ARMC9: variants seen among roughly 807,000 people sequenced by gnomAD.
ARMC9 encodes armadillo repeat containing 9.
ARMC9 carries 94 observed loss-of-function variants against 107.0 expected under a neutral mutation model. The observed-to-expected ratio is 0.88, with a 90% CI of 0.74 to 1.04. The LOEUF (loss-of-function observed/expected upper bound fraction) is 1.04, where lower values mean the gene tolerates loss of function less well. Ranked by LOEUF, ARMC9 falls within the 50% of genes least tolerant of loss-of-function variation. The probability of loss-of-function intolerance (pLI) is 0.00; values close to 1 mark genes in which losing one functional copy is unlikely to be tolerated. For missense variants in ARMC9, 942 were observed against 1,030.1 expected, an observed-to-expected ratio of 0.91 and a Z score of 1.17; for synonymous variants, 380 against 396.9, an observed-to-expected ratio of 0.96 and a Z score of 0.51.
chr2:231,314,007 A>C (rs1374202127), intron 19 of ARMC9, among the ~76,000 whole-genome samples: 4 of 136,416 alleles, frequency 2.9e-5, no homozygotes, highest in Non-Finnish European at 3.1e-5. Flanking sequence ...TGATCTTCCC[A>C]CCTTGACCTC....
At chr2:231,343,218 C>T (rs2044624662) in intron 20 of ARMC9, among the ~76,000 whole-genome samples, 1 of 151,712 alleles carries the variant, frequency 6.6e-6, no homozygotes, top group African/African-American at 2.4e-5. Context: ...CGGACCAGGG[C>T]AGGTTTTGAC....
chr2:231,258,670 A>C (rs1174556547), intron 10 of ARMC9, among the ~76,000 whole-genome samples: 2 of 152,166 alleles, frequency 1.3e-5, no homozygotes, highest in Non-Finnish European at 2.9e-5. Context: ...TGATGCCCTC[A>C]AGGTGATTTC....
At chr2:231,262,579 A>G (rs1382928603) in intron 12 of ARMC9, among the ~76,000 whole-genome samples, 181 bp downstream of exon 12, 1 of 152,150 alleles carries the variant, frequency 6.6e-6, no homozygotes, top group Non-Finnish European at 1.5e-5. Context: ...AGTTCTAAAC[A>G]AGTTAGAACT....
chr2:231,237,747 C>CTATATGTA (rs796825444), intron 8 of ARMC9, among the ~76,000 whole-genome samples: 1,317 of 49,260 alleles, frequency 0.027, 92 homozygotes, highest in African/African-American at 0.082. Flanking sequence ...TTGTTCTTGG[C>CTATATGTA]TATATGTATA....
intron 12 of ARMC9, among the ~76,000 whole-genome samples, chr2:231,265,922 C>T (rs1434912837): frequency 6.6e-6 from 1 of 151,386 alleles, no homozygotes; most frequent in East Asian, 1.9e-4. Context: ...TGCTTGAACC[C>T]GGGAGACTGG....
chr2:231,215,707 G>A (rs780819806), intron 4 of ARMC9, among the ~76,000 whole-genome samples: 24 of 152,176 alleles, frequency 1.6e-4, no homozygotes, highest in Non-Finnish European at 2.8e-4. Context: ...ATTTGACCCC[G>A]TGCATTAATG....
At position 231,314,102 on chromosome 2, in the gene ARMC9, G is replaced by A. The variant is rs374821519; in HGVS notation, c.1774-17691G>A. Among the ~76,000 whole-genome samples, 389 of 144,306 alleles carry A rather than the reference G, an allele frequency of 2.7e-3. 4 individuals are homozygous for A. Among genetic ancestry groups the A allele is most frequent in the Middle Eastern group, 3.6e-3 (1 of 274 alleles). 94.7% of individuals were successfully genotyped at this position (144,306 alleles called of 152,430 possible). On this transcript the variant is annotated intron_variant, in intron 19 of 24. Transcript: ENST00000611582. ...TTTTTTTGTTTTTTGTTTTTGAGAC[G>A]GAGTTTCACTCTTATTGACCAGGCT... is the stretch of plus-strand genomic sequence containing the variant.
chr2:231,238,285 T>C (rs1441903722), intron 8 of ARMC9, among the ~76,000 whole-genome samples: 1 of 152,148 alleles, frequency 6.6e-6, no homozygotes, highest in Non-Finnish European at 1.5e-5. Flanking sequence ...GTGAACATGT[T>C]TCTAGTTGTA....
chr2:231,214,767 G>T, intron 3 of ARMC9, 64 bp from the exon 4 acceptor site: 2 of 1,521,858 alleles, frequency 1.3e-6, no homozygotes, highest in Non-Finnish European at 1.8e-6. Flanking sequence ...GTGTTGAGTG[G>T]GTTGTGAGAA....
In ARMC9 at chr2:231,198,649, GA is replaced by G. The variant is rs2030116471; in HGVS notation, c.-90del. ...GGCGGTTGCCCGGGTGACGGCTGCGGAGGTGGCGGCCGGGCTGGGATAGCGC... is the reference window on the plus strand; with the variant it reads ...GGCGGTTGCCCGGGTGACGGCTGCGGGGTGGCGGCCGGGCTGGGATAGCGC... On this transcript the variant is annotated 5_prime_UTR_variant, in exon 1 of 25. Coordinates refer to ENST00000611582, the MANE Select transcript of ARMC9 (RefSeq NM_001352754.2). 1 of 152,182 alleles carries G rather than the reference GA, an allele frequency of 6.6e-6. No homozygotes were observed. Among genetic ancestry groups the G allele is most frequent in the South Asian group, 2.1e-4 (1 of 4,834 alleles). The allele number at this position is 152,182 out of a possible 1,614,324, so 9.4% of individuals were successfully genotyped here.
At chr2:231,359,082 G>GTTCCTTTTT (rs767321498) in intron 22 of ARMC9, among the ~76,000 whole-genome samples, 1 of 117,864 alleles carries the variant, frequency 8.5e-6, no homozygotes, top group African/African-American at 3.5e-5. Context: ...GGGGTCTCCT[G>GTTCCTTTTT]TTTTTTTTTT....
rs75292273 is a variant in ARMC9 at position 231,358,106 on chromosome 2, C to T, written c.2131+2172C>T. On this transcript the variant is annotated intron_variant, in intron 22 of 24. Transcript: ENST00000611582. This position sits in a 1 kb window ranked among gnomAD's most constrained non-coding sequence, Gnocchi z 4.5. ...CTCTGCCTAAGGGATGGATGGCAAA[C>T]AGCCCTCTGCTTCTGTGCTCCATCT... is the stretch of plus-strand genomic sequence containing the variant. Among the ~76,000 whole-genome samples the T allele has an allele frequency of 0.013, 2,020 of 152,318 alleles. 45 individuals are homozygous for T. The highest frequency in any genetic ancestry group is 0.046 in the African/African-American group (1,916 of 41,556).
intron 6 of ARMC9, among the ~76,000 whole-genome samples, chr2:231,223,221 T>C (rs2034323282): frequency 6.6e-6 from 1 of 152,248 alleles, no homozygotes; most frequent in African/African-American, 2.4e-5. Flanking sequence ...GACTTCTTTT[T>C]AAATAACTTT....
chr2:231,369,783 G>C (rs1203053346), intron 23 of ARMC9, among the ~76,000 whole-genome samples, 170 bp from the exon 24 acceptor site: 1 of 151,954 alleles, frequency 6.6e-6, no homozygotes, highest in African/African-American at 2.4e-5. Flanking sequence ...TAGTAGTGAC[G>C]GGGCTTCACC....
intron 3 of ARMC9, among the ~76,000 whole-genome samples, chr2:231,209,078 T>C (rs1332866518): frequency 6.6e-6 from 1 of 152,088 alleles, no homozygotes; most frequent in Admixed American, 6.6e-5. Context: ...ATTTTTGTAT[T>C]TTTAGTAGAG....
intron 20 of ARMC9, among the ~76,000 whole-genome samples, chr2:231,336,938 C>T (rs935336773): frequency 2.6e-5 from 4 of 152,120 alleles, no homozygotes; most frequent in African/African-American, 9.7e-5. Context: ...CAGACCTGGG[C>T]GAGCCCCTGG....
At chr2:231,214,086 T>G (rs915949449) in intron 3 of ARMC9, among the ~76,000 whole-genome samples, 4 of 152,208 alleles carry the variant, frequency 2.6e-5, no homozygotes, top group African/African-American at 9.7e-5. Flanking sequence ...CCACCTCCTT[T>G]CTCCAGAATT....
chr2:231,356,494 T>C (rs1341636945), intron 22 of ARMC9, among the ~76,000 whole-genome samples: 1 of 152,160 alleles, frequency 6.6e-6, no homozygotes, highest in African/African-American at 2.4e-5. Context: ...GAAAGGAAAT[T>C]AAAAGGATTA....
At chr2:231,310,544 A>G (rs1382041039) in intron 19 of ARMC9, among the ~76,000 whole-genome samples, 1 of 151,834 alleles carries the variant, frequency 6.6e-6, no homozygotes, top group Non-Finnish European at 1.5e-5. Context: ...CAGCCTGACC[A>G]ACATGGAGAA....
Sources: allele counts gnomAD v4.1 joint callset (sites outside exome capture counted in the v4.1 genomes callset), GRCh38; gene constraint gnomAD v4.1.1; non-coding constraint Gnocchi (gnomAD v3.1); transcripts MANE v1.5; gene names NCBI Gene and HGNC (gene_info 2026-07-23, HGNC 2026-07-21).